MECOM: variants seen among roughly 807,000 people sequenced by gnomAD.
MECOM encodes histone-lysine N-methyltransferase MECOM.
Under a neutral mutation model 116.3 loss-of-function variants are expected in MECOM, and 13 were observed. The ratio of observed to expected loss-of-function variants is 0.11; its 90% CI spans 0.07 to 0.18. The LOEUF is 0.18. Among genes scored for constraint, MECOM ranks in the 10% least tolerant of loss-of-function variants. The pLI is 1.00. For synonymous variants in MECOM, 528 were observed against 535.2 expected, an observed-to-expected ratio of 0.99 and a Z score of 0.19; for missense variants, 1,299 against 1,509.0, an observed-to-expected ratio of 0.86 and a Z score of 2.31.
chr3:169,180,363 C>T (rs1330364084), intron 2 of MECOM, among the ~76,000 whole-genome samples: 1 of 152,198 alleles, frequency 6.6e-6, no homozygotes, highest in South Asian at 2.1e-4. Flanking sequence ...CACAAATACA[C>T]GTATACATAC....
At chr3:169,650,487 T>C (rs1304717756) in intron 1 of MECOM, among the ~76,000 whole-genome samples, 1 of 152,164 alleles carries the variant, frequency 6.6e-6, no homozygotes, top group African/African-American at 2.4e-5. Context: ...TGATTTCAGC[T>C]ACAGCCTGTT....
rs80074608 is a variant in MECOM, at chr3:169,147,280, C to G, written c.376-3448G>C. 1,805 of 985,496 alleles carry G rather than the reference C, an allele frequency of 1.8e-3. 33 individuals are homozygous for G. In the African/African-American group the frequency reaches 0.03, roughly 16 times the overall value. The allele number at this position is 985,496 out of a possible 1,614,324, so 61.0% of individuals were successfully genotyped here. A position where few individuals can be genotyped will look rare whatever the true frequency, so the allele number is the denominator to read the frequency against. ...CTGGGGAGGCGAGGGGAGCTCTATC[C>G]CCCTTTCAGATCCTCCGCAGCGCCT... On this transcript the variant is annotated intron_variant, in intron 2 of 16. Transcript: ENST00000651503.
At chr3:169,169,909 A>T (rs1019861502) in intron 2 of MECOM, among the ~76,000 whole-genome samples, 2 of 151,580 alleles carry the variant, frequency 1.3e-5, no homozygotes, top group Non-Finnish European at 2.9e-5. Context: ...ATGATATCTT[A>T]CTACTGGCCT....
intron 14 of MECOM, among the ~76,000 whole-genome samples, chr3:169,092,112 G>T (rs1193720869): frequency 5.9e-5 from 9 of 152,172 alleles, no homozygotes; most frequent in African/African-American, 2.2e-4. Flanking sequence ...TATGCAATGT[G>T]AAGTGCTGGG....
intron 2 of MECOM, among the ~76,000 whole-genome samples, chr3:169,349,986 TAATATC>T (rs1726035172): frequency 6.6e-6 from 1 of 152,030 alleles, no homozygotes; most frequent in Non-Finnish European, 1.5e-5. Flanking sequence ...TATCTACTTA[TAATATC>T]AATATTTATT....
At chr3:169,181,043 C>T (rs535535694) in intron 2 of MECOM, among the ~76,000 whole-genome samples, 1 of 151,988 alleles carries the variant, frequency 6.6e-6, no homozygotes, top group South Asian at 2.1e-4. Flanking sequence ...AAGTATTTTC[C>T]TATAAAATTA....
At chr3:169,100,004 C>A (rs1722978364) in intron 12 of MECOM, among the ~76,000 whole-genome samples, 3 of 151,532 alleles carry the variant, frequency 2.0e-5, no homozygotes, top group Non-Finnish European at 2.9e-5. Flanking sequence ...ATAATATACT[C>A]TATTTTATCT....
intron 2 of MECOM, among the ~76,000 whole-genome samples, chr3:169,243,382 C>A (rs920171447): frequency 1.3e-5 from 2 of 152,152 alleles, no homozygotes; most frequent in African/African-American, 4.8e-5. Context: ...GCTATTCTTG[C>A]ATAACCATTT....
chr3:169,315,680 T>C (rs938486318), intron 2 of MECOM, among the ~76,000 whole-genome samples: 1 of 152,172 alleles, frequency 6.6e-6, no homozygotes, highest in Non-Finnish European at 1.5e-5. Context: ...TCTCAACACA[T>C]TGTCACTGAA....
At chr3:169,441,097 C>T (rs903697871) in intron 1 of MECOM, among the ~76,000 whole-genome samples, 23 of 152,148 alleles carry the variant, frequency 1.5e-4, no homozygotes, top group African/African-American at 5.3e-4. Context: ...GGACATTGCT[C>T]TGGGCAGCCT....
chr3:169,651,542 G>A (rs533558867), intron 1 of MECOM, among the ~76,000 whole-genome samples: 1 of 152,258 alleles, frequency 6.6e-6, no homozygotes, highest in African/African-American at 2.4e-5. Context: ...AGTAACTCAG[G>A]AATGGAAAAC....
rs573809795 is a variant in MECOM, at chr3:169,291,730, T to C, written c.375+89457A>G. On this transcript the variant is annotated intron_variant, in intron 2 of 16. Transcript: ENST00000651503. ...TATAGAACATTCTGAAATGTTTTTC[T>C]AGGCAGTGCATACATGCTGATCCAA... is the stretch of plus-strand genomic sequence containing the variant. Among the ~76,000 whole-genome samples the C allele has an allele frequency of 2.6e-4, 39 of 152,340 alleles. 1 individual carries two copies. The South Asian group carries it at 7.3e-3, about 28-fold the overall frequency.
At chr3:169,507,897 C>A (rs189533563) in intron 1 of MECOM, among the ~76,000 whole-genome samples, 1 of 151,160 alleles carries the variant, frequency 6.6e-6, no homozygotes, top group South Asian at 2.1e-4. Context: ...CCTGACCTTG[C>A]GATCTGCCCG....
At chr3:169,562,099 T>C (rs1309671777) in intron 1 of MECOM, among the ~76,000 whole-genome samples, 2 of 123,858 alleles carry the variant, frequency 1.6e-5, no homozygotes, top group East Asian at 2.6e-4. Flanking sequence ...TGAGCCGAGA[T>C]TGCTCCACTG....
intron 1 of MECOM, among the ~76,000 whole-genome samples, chr3:169,425,963 AAC>A (rs1370179669): frequency 6.6e-6 from 1 of 152,216 alleles, no homozygotes; most frequent in African/African-American, 2.4e-5. Context: ...ATGAAAAGAT[AAC>A]ACATGGATAA....
chr3:169,233,869 T>A (rs1753707978), intron 2 of MECOM, among the ~76,000 whole-genome samples: 1 of 152,186 alleles, frequency 6.6e-6, no homozygotes. Flanking sequence ...CCTGTGCATG[T>A]CTCCCAATTT....
At chr3:169,450,481 G>C (rs911094626) in intron 1 of MECOM, among the ~76,000 whole-genome samples, 1 of 151,916 alleles carries the variant, frequency 6.6e-6, no homozygotes, top group Non-Finnish European at 1.5e-5. Flanking sequence ...TTCCAGCAAG[G>C]CCTGGTGACT....
chr3:169,488,969 T>G (rs984512631), intron 1 of MECOM, among the ~76,000 whole-genome samples: 2 of 151,900 alleles, frequency 1.3e-5, no homozygotes, highest in African/African-American at 2.4e-5. Context: ...CCTTTTAAAC[T>G]AATAAAACAG....
rs146843632 is a variant in MECOM at position 169,453,192 on chromosome 3, C to T, written c.38-71668G>A. On this transcript the variant is annotated intron_variant, in intron 1 of 16. Transcript: ENST00000651503. ...AGTCTCATTTAATAGCAAATATCTG[C>T]CTGCAATGGCTGCATGACAGAACAA... Among the ~76,000 whole-genome samples, 200 of 152,306 alleles carry T rather than the reference C, an allele frequency of 1.3e-3. 1 individual carries two copies. The highest frequency in any genetic ancestry group is 4.6e-3 in the African/African-American group (191 of 41,564).
Sources: gnomAD v4.1 joint callset for allele counts (sites outside exome capture counted in the v4.1 genomes callset) on GRCh38, gnomAD v4.1.1 for gene constraint, MANE v1.5 for transcripts, NCBI Gene and HGNC (gene_info 2026-07-23, HGNC 2026-07-21) for gene names.